EXOC2: variants seen among roughly 807,000 people sequenced by gnomAD.
EXOC2 encodes the protein SEC5-like 1.
Under a neutral mutation model 131.8 loss-of-function variants are expected in EXOC2, and 70 were observed. The observed-to-expected ratio is 0.53, with a 90% CI of 0.44 to 0.65. EXOC2 has a LOEUF of 0.65. Among genes scored for constraint, EXOC2 ranks in the 30% least tolerant of loss-of-function variants. EXOC2 has a pLI of 0.00. For missense variants in EXOC2, 923 were observed against 1,108.6 expected (o/e 0.83, Z 2.38); for synonymous variants, 411 against 398.4 (o/e 1.03, Z -0.38).
intron 23 of EXOC2, among the ~76,000 whole-genome samples, chr6:501,677 T>C (rs1379943171): frequency 8.3e-6 from 1 of 119,914 alleles, no homozygotes; most frequent in Admixed American, 1.1e-4. Context: ...ATAAAAGATA[T>C]ATATATCTAT....
chr6:534,015 T>A (rs1421401293), intron 22 of EXOC2, among the ~76,000 whole-genome samples: 1 of 152,098 alleles, frequency 6.6e-6, no homozygotes, highest in Admixed American at 6.5e-5. Context: ...TAAAGTATAA[T>A]ACAAAACAAG....
intron 13 of EXOC2, among the ~76,000 whole-genome samples, chr6:571,219 G>A (rs3799306): frequency 0.079 from 12,003 of 152,204 alleles, 895 homozygotes; most frequent in East Asian, 0.38. Flanking sequence ...GTTGTGTATT[G>A]CTTTAATATT....
chr6:651,066 T>G (rs1158091558), intron 1 of EXOC2, among the ~76,000 whole-genome samples: 1 of 151,772 alleles, frequency 6.6e-6, no homozygotes, highest in South Asian at 2.1e-4. Context: ...TCTCGCTCTG[T>G]TGCCCAGGCT....
intron 1 of EXOC2, among the ~76,000 whole-genome samples, chr6:675,540 A>T (rs1262328624): frequency 3.2e-4 from 12 of 37,768 alleles, no homozygotes; most frequent in Admixed American, 3.1e-3. Context: ...GTTCCTCTGG[A>T]GACTCTGAGG....
At chr6:597,901 C>T (rs936894149) in intron 10 of EXOC2, 120 bp downstream of exon 10, 2 of 660,772 alleles carry the variant, frequency 3.0e-6, no homozygotes, top group Admixed American at 3.1e-5. Flanking sequence ...TGCTATTTGT[C>T]TTCCCCTTCA....
intron 2 of EXOC2, among the ~76,000 whole-genome samples, chr6:634,424 T>C (rs1762003384): frequency 6.6e-6 from 1 of 152,178 alleles, no homozygotes. Flanking sequence ...CTTTCTATAA[T>C]GTTCAGCACT....
chr6:636,395 G>A (rs1284677088), intron 2 of EXOC2, among the ~76,000 whole-genome samples: 1 of 152,218 alleles, frequency 6.6e-6, no homozygotes, highest in African/African-American at 2.4e-5. Context: ...TCTCCCGACT[G>A]TAACCTTTGT....
chr6:537,194 G>A (rs1487619648), intron 22 of EXOC2, among the ~76,000 whole-genome samples: 6 of 151,936 alleles, frequency 3.9e-5, no homozygotes, highest in African/African-American at 7.3e-5. Context: ...CCGACGGAGC[G>A]TACACTCGAG....
chr6:595,010 A>G (rs1237928802), intron 10 of EXOC2, among the ~76,000 whole-genome samples: 5 of 150,512 alleles, frequency 3.3e-5, no homozygotes, highest in African/African-American at 1.3e-4. Context: ...AAAATTTAAG[A>G]ATAAAGGAAG....
At chr6:654,224 G>C (rs995545956) in intron 1 of EXOC2, among the ~76,000 whole-genome samples, 1 of 152,126 alleles carries the variant, frequency 6.6e-6, no homozygotes, top group Non-Finnish European at 1.5e-5. Flanking sequence ...ATTTCATCTT[G>C]CAAGTCTTAT....
intron 23 of EXOC2, among the ~76,000 whole-genome samples, chr6:518,425 T>C (rs974907961): frequency 5.3e-5 from 8 of 152,232 alleles, no homozygotes; most frequent in Admixed American, 2.0e-4. Context: ...ATTTGTACAA[T>C]AGTATGTTAG....
chr6:654,822 A>G (rs1379997003), intron 1 of EXOC2, among the ~76,000 whole-genome samples: 4 of 137,046 alleles, frequency 2.9e-5, no homozygotes, highest in Non-Finnish European at 6.1e-5. Context: ...AAAAAAAAAA[A>G]AAAAAAAAAA....
intron 21 of EXOC2, among the ~76,000 whole-genome samples, chr6:551,212 G>A (rs989748450): frequency 9.2e-5 from 14 of 152,284 alleles, no homozygotes; most frequent in Middle Eastern, 3.4e-3. Context: ...GATCCCCCAC[G>A]TTCCGTTCAG....
intron 1 of EXOC2, among the ~76,000 whole-genome samples, chr6:655,158 T>C (rs1400909361): frequency 6.6e-6 from 1 of 152,078 alleles, no homozygotes. Flanking sequence ...TTAACTACTT[T>C]ATTTTAAGAA....
At chr6:617,949 G>A (rs1761097162) in intron 5 of EXOC2, 114 bp from the exon 6 acceptor site, 1 of 1,200,584 alleles carries the variant, frequency 8.3e-7, no homozygotes, top group Non-Finnish European at 1.1e-6. Flanking sequence ...GTAGCACACA[G>A]ATTAATATCA....
intron 27 of EXOC2, among the ~76,000 whole-genome samples, chr6:487,227 A>T (rs551193992): frequency 1.2e-4 from 18 of 152,196 alleles, no homozygotes; most frequent in African/African-American, 4.1e-4. Context: ...CCCATCTCCC[A>T]GCAGCCACTG....
At chr6:586,270 C>T (rs1008956828) in intron 11 of EXOC2, among the ~76,000 whole-genome samples, 8 of 152,148 alleles carry the variant, frequency 5.3e-5, no homozygotes, top group African/African-American at 1.9e-4. Flanking sequence ...TGCAGGCTGC[C>T]GGCTCTGAAG....
intron 23 of EXOC2, among the ~76,000 whole-genome samples, chr6:501,165 AT>A (rs1434889824): frequency 2.5e-5 from 1 of 40,188 alleles, no homozygotes; most frequent in Non-Finnish European, 4.5e-5. Flanking sequence ...ATCTATATAT[AT>A]TATATATATC....
chr6:650,438 T>C (rs1447484272), intron 1 of EXOC2, among the ~76,000 whole-genome samples: 3 of 151,606 alleles, frequency 2.0e-5, no homozygotes, highest in East Asian at 3.8e-4. Context: ...TTTTTCACAA[T>C]TAAACTAAAA....
Sources: gnomAD v4.1 joint callset for allele counts (sites outside exome capture counted in the v4.1 genomes callset) on GRCh38, gnomAD v4.1.1 for gene constraint, MANE v1.5 for transcripts, NCBI Gene and HGNC (gene_info 2026-07-23, HGNC 2026-07-21) for gene names.